TNXB: variants seen among roughly 807,000 people sequenced by gnomAD.
TNXB encodes tenascin-X.
TNXB carries 183 observed loss-of-function variants against 340.5 expected under a neutral mutation model. The ratio of observed to expected loss-of-function variants is 0.54; its 90% CI spans 0.48 to 0.61. The LOEUF (loss-of-function observed/expected upper bound fraction) is 0.61, where lower values mean the gene tolerates loss of function less well. TNXB is among the 20% of genes least tolerant of loss of function. TNXB has a pLI of 0.00. For missense variants in TNXB, 4,613 were observed against 5,446.4 expected, an observed-to-expected ratio of 0.85 and a Z score of 4.82; for synonymous variants, 2,121 against 2,314.5, an observed-to-expected ratio of 0.92 and a Z score of 2.40.
At position 32,042,366 on chromosome 6, in the gene TNXB, G is replaced by C; in HGVS notation, c.12211-4C>G. 6.3e-7 allele frequency: 1 copy of C among 1,586,600 alleles called. No homozygotes were observed. The highest frequency in any genetic ancestry group is 8.6e-7 in the Non-Finnish European group (1 of 1,161,570). On this transcript the variant is annotated splice_polypyrimidine_tract_variant and splice_region_variant and intron_variant, in intron 40 of 43. Coordinates refer to ENST00000644971, the MANE Select transcript of TNXB (RefSeq NM_001365276.2). ...CATCCATGCGGCGCTGGAACACCTG[G>C]GAAGCAAGTGGGGGCACCATCAGCC...
In TNXB at chr6:32,074,414, G is replaced by A. The variant is rs1778965725; in HGVS notation, c.4376-462C>T. ...TGTCTGGTCAACAGTCCTTCACTAG[G>A]TCCCTGCTCGGTGTCTGAGGCTGCA... is the stretch of plus-strand genomic sequence containing the variant. On this transcript the variant is annotated intron_variant, in intron 11 of 43. Coordinates refer to ENST00000644971, the MANE Select transcript of TNXB (RefSeq NM_001365276.2). The surrounding 1 kb of genome is among the most constrained non-coding windows in gnomAD (Gnocchi z 5.5). 6.6e-6 allele frequency among the ~76,000 whole-genome samples: 1 copy of A among 152,184 alleles called. No homozygotes were observed. The highest frequency in any genetic ancestry group is 1.5e-5 in the Non-Finnish European group (1 of 68,044).
rs769587693 is a variant in TNXB, at chr6:32,096,803, C to A, written c.1050G>T (p.Gly350=). ...RSCPWDCGEG[G]RCVDGRCVCW... The stretch of plus-strand genomic sequence containing the variant: ...ACACGCAGCGGCCGTCCACGCAGCG[C>A]CCGCCCTCGCCACAGTCCCAGGGGC... The change falls in exon 3 of 44, where the codon GGG becomes GGT. Residue 350 remains glycine, a synonymous_variant. Transcript: ENST00000644971. 73 of 1,587,568 alleles carry A rather than the reference C, an allele frequency of 4.6e-5. No individual in the cohort carries two copies. Among genetic ancestry groups the A allele is most frequent in the Non-Finnish European group, 5.8e-5 (68 of 1,168,456 alleles).
Position 32,079,211 on chromosome 6 carries a change from G to A in TNXB, c.4197C>T (p.Phe1399=), listed in dbSNP as rs778978588. 1.1e-5 allele frequency: 17 copies of A among 1,613,758 alleles called. No individual in the cohort carries two copies. The highest frequency in any genetic ancestry group is 8.0e-5 in the African/African-American group (6 of 74,932). Residue 1399 remains phenylalanine, a synonymous_variant, in exon 11 of 44, where the codon TTC becomes TTT. Coordinates refer to ENST00000644971, the MANE Select transcript of TNXB (RefSeq NM_001365276.2). This position sits in a 1 kb window ranked among gnomAD's most constrained non-coding sequence, Gnocchi z 7.1. ...SLFWTVPQGS[F]DSFTVQYKDR... ...CCTTGTACTGCACGGTGAAAGAGTC[G>A]AAGCTGCCCTGGGGGACGGTCCAGA...
chr6:32,060,139 C>G (rs931209821), intron 21 of TNXB, among the ~76,000 whole-genome samples: 1 of 151,792 alleles, frequency 6.6e-6, no homozygotes, highest in African/African-American at 2.4e-5. Flanking sequence ...GTTTGAGCAG[C>G]CTGACCAACA....
chr6:32,101,024 G>A (rs1202845730), intron 1 of TNXB, among the ~76,000 whole-genome samples: 1 of 133,586 alleles, frequency 7.5e-6, no homozygotes, highest in East Asian at 2.3e-4. Flanking sequence ...GTTGCAGTGA[G>A]CTGAGATCAT....
rs1224408110 is a variant in TNXB, at chr6:32,048,502, C to T, written c.9906G>A (p.Gln3302=). Residue 3302 remains glutamine, a synonymous_variant, in exon 29 of 44, where the codon CAG becomes CAA. Coordinates refer to ENST00000644971, the MANE Select transcript of TNXB (RefSeq NM_001365276.2). ...CTCCGCTCACAGGCACTGCCTGGGG[C>T]TGCCCCTGCGCGTCCCTGTACTGTA... ...FLVQYRDAQG[Q]PQAVPVSGDL... 5.6e-6 allele frequency: 9 copies of T among 1,602,712 alleles called. No individual in the cohort carries two copies. Among genetic ancestry groups the T allele is most frequent in the Non-Finnish European group, 7.7e-6 (9 of 1,175,722 alleles).
At chr6:32,053,747 G>C (rs758471969) in intron 24 of TNXB, 36 bp from the exon 25 acceptor site, 1 of 1,597,326 alleles carries the variant, frequency 6.3e-7, no homozygotes, top group South Asian at 1.1e-5. Flanking sequence ...GAGGTCCCTG[G>C]GTTCTCAGTT....
chr6:32,098,530 G>A (rs1780548691), intron 1 of TNXB, among the ~76,000 whole-genome samples: 1 of 152,090 alleles, frequency 6.6e-6, no homozygotes, highest in Non-Finnish European at 1.5e-5. Context: ...GCCCAGGCTG[G>A]AGTGCAGTGG....
rs1562873153 is a variant in TNXB at position 32,095,691 on chromosome 6, C to T, written c.2162G>A (p.Gly721Glu). The change falls in exon 3 of 44, where the codon GGG becomes GAG. Residue 721 changes from glycine (G) to glutamate (E), a missense_variant. Coordinates refer to ENST00000644971, the MANE Select transcript of TNXB (RefSeq NM_001365276.2). ...ACACTCTCCTCGGCCACGGCAGTCC[C>T]CTGGGCATGTCTGGATGGCACAGTC... The part of the protein sequence containing the change: ...GPDCAIQTCP[G>E]DCRGRGECHD... The T allele has an allele frequency of 1.2e-6, 2 of 1,614,062 alleles. No individual in the cohort carries two copies. Among genetic ancestry groups the T allele is most frequent in the Admixed American group, 1.7e-5 (1 of 60,030 alleles).
chr6:32,088,816 G>T lies in TNXB; in HGVS notation c.2748C>A (p.Val916=). 6.3e-7 allele frequency: 1 copy of T among 1,578,676 alleles called. No individual in the cohort carries two copies. Among genetic ancestry groups the T allele is most frequent in the South Asian group, 1.2e-5 (1 of 85,604 alleles). Residue 916 remains valine, a synonymous_variant, in exon 6 of 44, where the codon GTC becomes GTA. Coordinates refer to ENST00000644971, the MANE Select transcript of TNXB (RefSeq NM_001365276.2). ...TGGCCCTGACAGAAGCTGGGTAGCT[G>T]ACTGCCCGGCCCCGCTCCGCTGTGA... ...VTVTAERGRA[V]SYPASVRANT...
intron 6 of TNXB, among the ~76,000 whole-genome samples, chr6:32,086,430 C>T (rs1404045894): frequency 3.9e-5 from 6 of 152,176 alleles, no homozygotes; most frequent in African/African-American, 1.4e-4. Flanking sequence ...CCACATACAT[C>T]CCCCCCACTG....
chr6:32,042,543 G>A lies in TNXB; in HGVS notation c.12122C>T (p.Ser4041Phe). The A allele has an allele frequency of 6.2e-7, 1 of 1,611,426 alleles. No homozygotes were observed. The highest frequency in any genetic ancestry group is 8.5e-7 in the Non-Finnish European group (1 of 1,179,656). Residue 4041 changes from serine (S) to phenylalanine (F), a missense_variant, in exon 40 of 44, where the codon TCC becomes TTC. Coordinates refer to ENST00000644971, the MANE Select transcript of TNXB (RefSeq NM_001365276.2). The part of the protein sequence containing the change: ...GEEMQNGAGA[S>F]RTSTIFLNGN... ...GTTGAGGAAGATGGTGCTGGTCCTGGAGGCACCGGCTCCGTTCTGCATCTC... is the reference window on the plus strand; with the variant it reads ...GTTGAGGAAGATGGTGCTGGTCCTGAAGGCACCGGCTCCGTTCTGCATCTC...
rs1011767451 is a variant in TNXB at position 32,090,116 on chromosome 6, A to C, written c.2359-737T>G. Among the ~76,000 whole-genome samples, 1 of 152,194 alleles carries C rather than the reference A, an allele frequency of 6.6e-6. No individual in the cohort carries two copies. The highest frequency in any genetic ancestry group is 2.4e-5 in the African/African-American group (1 of 41,430). On this transcript the variant is annotated intron_variant, in intron 4 of 43. Transcript: ENST00000644971. The surrounding 1 kb of genome is among the most constrained non-coding windows in gnomAD (Gnocchi z 4.3). ...AAGAACCACCTGCTCAAAGTTCCAC[A>C]AATATGTTTCCTGATTGTTGATTTT... is the stretch of plus-strand genomic sequence containing the variant.
chr6:32,095,650 C>A lies in TNXB; in HGVS notation c.2203G>T (p.Val735Phe). ...TCGCCAGCATACCCATCTTTGCAGA[C>A]ACAGCTGCCATCGTGACACTCTCCT... ...GRGECHDGSC[V>F]CKDGYAGEDC... Residue 735 changes from valine to phenylalanine, a missense_variant, in exon 3 of 44, where the codon GTC (valine) becomes TTC (phenylalanine). By Grantham distance (50) the Val-to-Phe change is conservative. This residue lies in a region of TNXB where 4,327 missense variants were observed against 4,859.4 expected (regional missense o/e 0.89). Coordinates refer to ENST00000644971, the MANE Select transcript of TNXB (RefSeq NM_001365276.2). The A allele has an allele frequency of 1.2e-6, 2 of 1,613,952 alleles. No homozygotes were observed. Among genetic ancestry groups the A allele is most frequent in the South Asian group, 2.2e-5 (2 of 91,080 alleles).
In TNXB at chr6:32,047,984, C is replaced by G. The variant is rs760274566; in HGVS notation, c.10074G>C (p.Leu3358=). The change falls in exon 30 of 44, where the codon CTG becomes CTC. Residue 3358 remains leucine, a synonymous_variant. Transcript: ENST00000644971. The surrounding 1 kb of genome is among the most constrained non-coding windows in gnomAD (Gnocchi z 6.2). ...TAPDTKPSPR[L]GELTVTDATP... is the part of the protein sequence containing the mutation. ...TCGCATCTGTCACAGTCAGCTCCCC[C>G]AGGCGGGGAGACGGTTTGGTGTCTG... 3 of 1,609,632 alleles carry G rather than the reference C, an allele frequency of 1.9e-6. No individual in the cohort carries two copies. The highest frequency in any genetic ancestry group is 1.1e-5 in the South Asian group (1 of 90,584).
chr6:32,085,915 T>C lies in TNXB; in HGVS notation c.2983A>G (p.Met995Val), dbSNP rs1233769879. ...GCCCCCGGCCCCTCGGGCACCCGCATGCGCAGTTGGAAGTAGGCAAAGGTG... is the reference window on the plus strand; with the variant it reads ...GCCCCCGGCCCCTCGGGCACCCGCACGCGCAGTTGGAAGTAGGCAAAGGTG... The part of the protein sequence containing the change: ...PDTFAYFQLR[M>V]RVPEGPGAHE... The change falls in exon 7 of 44, where the codon ATG becomes GTG. Residue 995 changes from methionine to valine, a missense_variant. Met to Val is a conservative substitution (Grantham distance 21). Transcript: ENST00000644971. This position sits in a 1 kb window ranked among gnomAD's most constrained non-coding sequence, Gnocchi z 6.4. 2 of 1,608,544 alleles carry C rather than the reference T, an allele frequency of 1.2e-6. No individual in the cohort carries two copies. The highest frequency in any genetic ancestry group is 2.2e-5 in the East Asian group (1 of 44,868).
At position 32,072,263 on chromosome 6, in the gene TNXB, T is replaced by C. The variant is rs1194439673; in HGVS notation, c.4717A>G (p.Lys1573Glu). The C allele has an allele frequency of 2.5e-6, 4 of 1,605,998 alleles. No homozygotes were observed. Among genetic ancestry groups the C allele is most frequent in the South Asian group, 2.2e-5 (2 of 89,970 alleles). ...CCTAGGCGTGGCTCCAGGGGAGGCT[T>C]GGAGGCCTCTGTGGCTGGGGCTGGT... ...LPPAPATEAS[K>E]PPLEPRLGEL... The change falls in exon 13 of 44, where the codon AAG becomes GAG. Residue 1573 changes from lysine to glutamate, a missense_variant. Lys to Glu is a moderately conservative substitution (Grantham distance 56, BLOSUM62 1). This residue lies in a region of TNXB where 4,327 missense variants were observed against 4,859.4 expected (regional missense o/e 0.89). Transcript: ENST00000644971. This position sits in a 1 kb window ranked among gnomAD's most constrained non-coding sequence, Gnocchi z 4.4.
intron 1 of TNXB, among the ~76,000 whole-genome samples, chr6:32,106,845 T>A (rs1781005073): frequency 6.6e-6 from 1 of 152,260 alleles, no homozygotes; most frequent in South Asian, 2.1e-4. Context: ...ACCCTGGGAA[T>A]GCTTGCACAA....
Position 32,046,278 on chromosome 6 carries a change from T to G in TNXB, c.10503A>C (p.Thr3501=). ...CAGGCTCCAGGTCCTCTACGGTGAC[T>G]GTGCGCTGGTCTGCGGCCACAGGCA... ...RAVPVAADQR[T]VTVEDLEPGK... is the part of the protein sequence containing the mutation. Residue 3501 remains threonine, a synonymous_variant, in exon 31 of 44, where the codon ACA becomes ACC. Transcript: ENST00000644971. This position sits in a 1 kb window ranked among gnomAD's most constrained non-coding sequence, Gnocchi z 6.9. The G allele has an allele frequency of 6.2e-7, 1 of 1,606,472 alleles. No individual in the cohort carries two copies. The highest frequency in any genetic ancestry group is 1.1e-5 in the South Asian group (1 of 89,640).
Sources: gnomAD v4.1 joint callset for allele counts (sites outside exome capture counted in the v4.1 genomes callset) on GRCh38, gnomAD v4.1.1 for gene constraint, gnomAD v4.1.1 regional missense constraint, Gnocchi (gnomAD v3.1) non-coding constraint, MANE v1.5 for transcripts, NCBI Gene and HGNC (gene_info 2026-07-23, HGNC 2026-07-21) for gene names.